SAXO1: variants seen among roughly 807,000 people sequenced by gnomAD.
The protein encoded by SAXO1 is stabilizer of axonemal microtubules 1, also known as 4930500O09Rik.
In SAXO1, 21 loss-of-function variants were observed where a neutral mutation model predicts 17.5. The ratio of observed to expected loss-of-function variants is 1.20; its 90% CI spans 0.85 to 1.72. The LOEUF (loss-of-function observed/expected upper bound fraction) is 1.72, where lower values mean the gene tolerates loss of function less well. Among genes scored for constraint, SAXO1 ranks in the 40% most tolerant of loss-of-function variants. The pLI is 0.00. For missense variants in SAXO1, 843 were observed against 596.0 expected, an observed-to-expected ratio of 1.41 and a Z score of -4.32; for synonymous variants, 274 against 216.5, an observed-to-expected ratio of 1.27 and a Z score of -2.33.
At chr9:18,994,065 C>A (rs952841900) in intron 1 of SAXO1, among the ~76,000 whole-genome samples, 1 of 152,160 alleles carries the variant, frequency 6.6e-6, no homozygotes, top group African/African-American at 2.4e-5. Context: ...ATTAGAGAAT[C>A]CTTTTATCAA....
intron 1 of SAXO1, among the ~76,000 whole-genome samples, chr9:19,042,227 CA>C (rs1836094924): frequency 6.6e-6 from 1 of 152,080 alleles, no homozygotes; most frequent in Admixed American, 6.6e-5. Flanking sequence ...AAATGCAAAT[CA>C]AAATGACAAT....
intron 1 of SAXO1, among the ~76,000 whole-genome samples, chr9:18,958,907 T>C (rs1013543736): frequency 6.6e-6 from 1 of 152,144 alleles, no homozygotes; most frequent in African/African-American, 2.4e-5. Context: ...AGAAACCGTA[T>C]TTGCGAAGAA....
At chr9:18,958,780 G>T (rs1832360172) in intron 1 of SAXO1, among the ~76,000 whole-genome samples, 2 of 152,054 alleles carry the variant, frequency 1.3e-5, no homozygotes, top group African/African-American at 4.8e-5. Flanking sequence ...CCAGGCTGTT[G>T]AACATGACGA....
chr9:19,001,258 A>G (rs973789402), intron 1 of SAXO1, among the ~76,000 whole-genome samples: 1 of 152,248 alleles, frequency 6.6e-6, no homozygotes, highest in Non-Finnish European at 1.5e-5. Flanking sequence ...CCACAGTGCA[A>G]TCAAATTAGA....
intron 2 of SAXO1, among the ~76,000 whole-genome samples, chr9:18,945,459 T>A (rs1290787585): frequency 2.0e-5 from 3 of 152,224 alleles, no homozygotes; most frequent in Non-Finnish European, 4.4e-5. Context: ...CTATATGCTA[T>A]TCTCAAACTT....
At chr9:19,046,082 CAAAAA>C (rs57919139) in intron 1 of SAXO1, among the ~76,000 whole-genome samples, 2 of 55,420 alleles carry the variant, frequency 3.6e-5, no homozygotes, top group African/African-American at 7.1e-5. Context: ...AACTCCGTCT[CAAAAA>C]AAAAAAAAAA....
At chr9:18,960,618 A>C (rs4977480) in intron 1 of SAXO1, among the ~76,000 whole-genome samples, 86,754 of 151,926 alleles carry the variant, frequency 0.57, 28,778 homozygotes, top group Non-Finnish European at 0.74. Context: ...AATCTACAAA[A>C]AACAACATAC....
chr9:19,003,587 C>T (rs1834368588), intron 1 of SAXO1, among the ~76,000 whole-genome samples: 1 of 152,198 alleles, frequency 6.6e-6, no homozygotes, highest in Non-Finnish European at 1.5e-5. Flanking sequence ...AGAAATAACA[C>T]TACACATCTA....
chr9:19,049,153 G>C lies in SAXO1; in HGVS notation c.-158+56C>G, dbSNP rs1836292603. 6.6e-6 allele frequency: 1 copy of C among 152,530 alleles called. No individual in the cohort carries two copies. Among genetic ancestry groups the C allele is most frequent in the Non-Finnish European group, 1.5e-5 (1 of 68,268 alleles). 9.4% of individuals were successfully genotyped at this position (152,530 alleles called of 1,614,324 possible). On this transcript the variant is annotated intron_variant, in intron 1 of 3. Transcript: ENST00000542071. This position sits in a 1 kb window ranked among gnomAD's most constrained non-coding sequence, Gnocchi z 5.4. ...GCCAGTTGCGGTGGTGGTGGCGGTTGGGGCTTTTTTTGGCCACGAGAGGGC... is the reference window on the plus strand; with the variant it reads ...GCCAGTTGCGGTGGTGGTGGCGGTTCGGGCTTTTTTTGGCCACGAGAGGGC...
intron 1 of SAXO1, among the ~76,000 whole-genome samples, chr9:19,028,844 G>A (rs913917447): frequency 1.3e-5 from 2 of 152,034 alleles, no homozygotes; most frequent in Non-Finnish European, 2.9e-5. Context: ...TTTTCACTTC[G>A]TAATCTGCCA....
At chr9:18,990,923 T>C (rs1479550437) in intron 1 of SAXO1, among the ~76,000 whole-genome samples, 1 of 152,068 alleles carries the variant, frequency 6.6e-6, no homozygotes, top group Non-Finnish European at 1.5e-5. Context: ...TTACAGTGAG[T>C]TGTATAATTA....
chr9:19,009,403 C>T (rs538432036), intron 1 of SAXO1, among the ~76,000 whole-genome samples: 10 of 152,170 alleles, frequency 6.6e-5, no homozygotes, highest in Admixed American at 2.6e-4. Context: ...CCAGTTGAAA[C>T]TAAAAACTCA....
At chr9:19,027,578 C>CTA (rs1358551359) in intron 1 of SAXO1, 1 of 1,398,562 alleles carries the variant, frequency 7.2e-7, no homozygotes, top group Non-Finnish European at 1.0e-6. Flanking sequence ...GGCCACCTTC[C>CTA]TAAAGCTGAC....
chr9:19,027,340 G>A, intron 1 of SAXO1: 2 of 789,626 alleles, frequency 2.5e-6, no homozygotes, highest in Non-Finnish European at 4.6e-6. Context: ...ACACTGCCCA[G>A]AGTACGACTC....
At chr9:18,993,655 G>C (rs1405169033) in intron 1 of SAXO1, among the ~76,000 whole-genome samples, 1 of 152,168 alleles carries the variant, frequency 6.6e-6, no homozygotes, top group African/African-American at 2.4e-5. Flanking sequence ...AGGCTCTGCT[G>C]TGGGTAGGAT....
At chr9:18,960,795 T>A (rs1477216789) in intron 1 of SAXO1, among the ~76,000 whole-genome samples, 2 of 49,158 alleles carry the variant, frequency 4.1e-5, no homozygotes, top group Non-Finnish European at 8.0e-5. Flanking sequence ...GAAAAAAAAA[T>A]TGCTGAATTA....
intron 1 of SAXO1, among the ~76,000 whole-genome samples, chr9:18,963,179 C>T (rs1194150106): frequency 2.0e-5 from 3 of 152,186 alleles, no homozygotes; most frequent in Admixed American, 6.5e-5. Flanking sequence ...GGTACGAGTA[C>T]CATGCTGTTT....
intron 1 of SAXO1, among the ~76,000 whole-genome samples, chr9:18,955,153 G>A (rs1163635570): frequency 6.6e-6 from 1 of 152,164 alleles, no homozygotes; most frequent in Non-Finnish European, 1.5e-5. Flanking sequence ...CTATGATCTT[G>A]TCTGGGAATA....
At chr9:18,977,784 G>A (rs764737570) in intron 1 of SAXO1, among the ~76,000 whole-genome samples, 1 of 151,876 alleles carries the variant, frequency 6.6e-6, no homozygotes, top group Non-Finnish European at 1.5e-5. Flanking sequence ...ACTTGAAGTT[G>A]GGAGCTCCAC....
Sources: allele counts gnomAD v4.1 joint callset (sites outside exome capture counted in the v4.1 genomes callset), GRCh38; gene constraint gnomAD v4.1.1; non-coding constraint Gnocchi (gnomAD v3.1); transcripts MANE v1.5; gene names NCBI Gene and HGNC (gene_info 2026-07-23, HGNC 2026-07-21).